The following TMEM117 variants were observed in gnomAD, a reference collection of about 807,000 sequenced individuals.
The protein encoded by TMEM117 is transmembrane protein 117.
A neutral mutation model predicts 52.4 loss-of-function variants in TMEM117; 27 were observed. The observed-to-expected ratio is 0.51, with a 90% CI of 0.38 to 0.71. The LOEUF (loss-of-function observed/expected upper bound fraction) is 0.71. Among genes scored for constraint, TMEM117 ranks in the 30% least tolerant of loss-of-function variants. TMEM117 has a pLI of 0.00. For synonymous variants in TMEM117, 215 were observed against 206.3 expected (o/e 1.04, Z -0.36); for missense variants, 556 against 630.5 (o/e 0.88, Z 1.26).
At chr12:44,224,057 A>G (rs1425205938) in intron 5 of TMEM117, among the ~76,000 whole-genome samples, 1 of 152,058 alleles carries the variant, frequency 6.6e-6, no homozygotes. Context: ...CCTAGCCCTT[A>G]TAGCTTCCCT....
chr12:44,029,842 C>A (rs561925975), intron 3 of TMEM117, among the ~76,000 whole-genome samples: 1 of 146,268 alleles, frequency 6.8e-6, no homozygotes, highest in Admixed American at 6.8e-5. Flanking sequence ...CAGTTAAAAA[C>A]TTTGCTGCAG....
At chr12:44,312,395 G>A (rs1017876282) in intron 6 of TMEM117, among the ~76,000 whole-genome samples, 2 of 152,036 alleles carry the variant, frequency 1.3e-5, no homozygotes, top group African/African-American at 4.8e-5. Flanking sequence ...ATTTACTTAG[G>A]ATGACGGCCT....
At chr12:43,801,077 A>G in the TMEM117 span, among the ~76,000 whole-genome samples, 2 of 152,158 alleles carry the variant, frequency 1.3e-5, no homozygotes, top group South Asian at 2.1e-4. Flanking sequence ...AAAAAATATA[A>G]ATTGTTTAAA....
At chr12:44,148,790 A>G (rs1948681591) in intron 4 of TMEM117, among the ~76,000 whole-genome samples, 1 of 152,206 alleles carries the variant, frequency 6.6e-6, no homozygotes, top group African/African-American at 2.4e-5. Flanking sequence ...TAGGTGCTCA[A>G]GAAATATTTA....
rs370555057 is a variant in TMEM117, at chr12:44,043,723, G to A, written c.410+99381G>A. On this transcript the variant is annotated intron_variant, in intron 3 of 7. Coordinates refer to ENST00000266534, the MANE Select transcript of TMEM117 (RefSeq NM_032256.3). ...AGACTAAAGTCCCAGTGGGCCCCTG[G>A]AAGTGAGGTTGAGAGTGTGACCCAT... Among the ~76,000 whole-genome samples, 511 of 152,264 alleles carry A rather than the reference G, an allele frequency of 3.4e-3. 3 individuals carry two copies. The highest frequency in any genetic ancestry group is 0.012 in the African/African-American group (501 of 41,544).
intron 6 of TMEM117, among the ~76,000 whole-genome samples, chr12:44,368,357 A>G (rs539116714): frequency 1.3e-5 from 2 of 152,254 alleles, no homozygotes; most frequent in African/African-American, 4.8e-5. Context: ...TCCAGAAAAA[A>G]CATATAATCA....
At chr12:44,122,720 C>A (rs1403557690) in intron 3 of TMEM117, among the ~76,000 whole-genome samples, 1 of 152,184 alleles carries the variant, frequency 6.6e-6, no homozygotes, top group Non-Finnish European at 1.5e-5. Context: ...CAGCTCCATC[C>A]ATGTCCCTGC....
At chr12:44,303,454 T>C (rs1311997630) in intron 6 of TMEM117, among the ~76,000 whole-genome samples, 7 of 152,200 alleles carry the variant, frequency 4.6e-5, no homozygotes, top group Non-Finnish European at 1.0e-4. Context: ...CTGAATACTT[T>C]TAGAGAAAGT....
chr12:43,852,553 G>C (rs137888888), intron 2 of TMEM117, among the ~76,000 whole-genome samples: 3,396 of 152,316 alleles, frequency 0.022, 77 homozygotes, highest in East Asian at 0.067. Flanking sequence ...AGTGAGCTGA[G>C]ATTGTGCCAT....
intron 6 of TMEM117, among the ~76,000 whole-genome samples, chr12:44,348,133 C>CAACATAAAGTAGGAACATCACGT (rs2138770863): frequency 6.6e-6 from 1 of 151,842 alleles, no homozygotes; most frequent in South Asian, 2.1e-4. Flanking sequence ...TCACAGAGCT[C>CAACATAAAGTAGGAACATCACGT]AACATAAAGT....
the TMEM117 span, among the ~76,000 whole-genome samples, chr12:43,821,052 G>A: frequency 6.7e-6 from 1 of 149,022 alleles, no homozygotes; most frequent in African/African-American, 2.5e-5. Context: ...TCGAGATCGC[G>A]CCACTGCACT....
rs544722745 is a variant in TMEM117 at position 44,287,929 on chromosome 12, T to G, written c.609-11651T>G. ...TACATAAGTTAATTGGTGGTTAATT[T>G]GTATAAAGACTTTATGCCAGTGCTT... On this transcript the variant is annotated intron_variant, in intron 5 of 7. Transcript: ENST00000266534. 5.3e-5 allele frequency among the ~76,000 whole-genome samples: 8 copies of G among 152,360 alleles called. No homozygotes were observed. In the South Asian group the frequency reaches 1.2e-3, roughly 24 times the overall value.
chr12:43,835,569 C>G (rs1592293265), upstream of TMEM117, among the ~76,000 whole-genome samples: 1 of 152,168 alleles, frequency 6.6e-6, no homozygotes, highest in African/African-American at 2.4e-5. Context: ...TCCCCACCCC[C>G]ACATCCCCAC....
intron 1 of TMEM117, among the ~76,000 whole-genome samples, chr12:43,843,783 A>G (rs1347305559): frequency 6.6e-6 from 1 of 152,094 alleles, no homozygotes; most frequent in Admixed American, 6.5e-5. Context: ...GTGGGCTACT[A>G]CTCTACTGTA....
At chr12:43,857,439 A>G (rs1221024580) in intron 2 of TMEM117, among the ~76,000 whole-genome samples, 1 of 151,870 alleles carries the variant, frequency 6.6e-6, no homozygotes, top group Admixed American at 6.6e-5. Flanking sequence ...AGGTAATGCT[A>G]GAAGTTTTTC....
Position 43,912,690 on chromosome 12 carries a change from T to G in TMEM117, c.278-31520T>G, listed in dbSNP as rs1374607796. ...ATGGAAATATGTCTTTTTTTTCACCTTGGTTAATATTATCCTTAAAGTACT... is the reference window on the plus strand; with the variant it reads ...ATGGAAATATGTCTTTTTTTTCACCGTGGTTAATATTATCCTTAAAGTACT... On this transcript the variant is annotated intron_variant, in intron 2 of 7. Transcript: ENST00000266534. Among the ~76,000 whole-genome samples, 3 of 151,944 alleles carry G rather than the reference T, an allele frequency of 2.0e-5. No homozygotes were observed. The East Asian group carries it at 5.8e-4, about 29-fold the overall frequency.
At chr12:44,028,332 T>G (rs1266513004) in intron 3 of TMEM117, among the ~76,000 whole-genome samples, 1 of 152,122 alleles carries the variant, frequency 6.6e-6, no homozygotes, top group African/African-American at 2.4e-5. Flanking sequence ...TTAACGTTAT[T>G]TTGTCAGAGG....
chr12:43,862,338 T>G (rs2137399967), intron 2 of TMEM117, among the ~76,000 whole-genome samples: 1 of 152,288 alleles, frequency 6.6e-6, no homozygotes, highest in African/African-American at 2.4e-5. Context: ...CCAGCTAATT[T>G]TTTGCATTTT....
At chr12:44,028,909 T>C (rs556738792) in intron 3 of TMEM117, among the ~76,000 whole-genome samples, 4 of 152,288 alleles carry the variant, frequency 2.6e-5, no homozygotes, top group Non-Finnish European at 5.9e-5. Context: ...GGTACTATAA[T>C]GCGGAAACCC....
Sources: allele counts gnomAD v4.1 joint callset (sites outside exome capture counted in the v4.1 genomes callset), GRCh38; gene constraint gnomAD v4.1.1; transcripts MANE v1.5; gene names NCBI Gene and HGNC (gene_info 2026-07-23, HGNC 2026-07-21).